RBFOX2: variants seen among roughly 807,000 people sequenced by gnomAD.
RBFOX2 encodes the protein RNA binding protein fox-1 homolog 2.
In RBFOX2, 10 loss-of-function variants were observed where a neutral mutation model predicts 49.1. That is an observed-to-expected ratio of 0.20 (90% CI 0.13 to 0.35). The LOEUF is 0.35. Among genes scored for constraint, RBFOX2 ranks in the 10% least tolerant of loss-of-function variants. The pLI is 1.00. For synonymous variants in RBFOX2, 183 were observed against 187.4 expected (o/e 0.98, Z 0.19); for missense variants, 323 against 486.9 (o/e 0.66, Z 3.17).
At chr22:35,843,346 G>C (rs574616695), upstream of RBFOX2, among the ~76,000 whole-genome samples, 4 of 152,180 alleles carry the variant, frequency 2.6e-5, no homozygotes, top group African/African-American at 9.7e-5. Context: ...CAAATCCCCA[G>C]CTTTCAGGAC....
chr22:35,873,128 C>A (rs1487083346), intron 1 of RBFOX2, among the ~76,000 whole-genome samples: 3 of 152,076 alleles, frequency 2.0e-5, no homozygotes, highest in Non-Finnish European at 4.4e-5. Flanking sequence ...AAATTTGTTA[C>A]TGAATTGGTT....
chr22:35,888,649 T>C (rs571950161), intron 1 of RBFOX2, among the ~76,000 whole-genome samples: 10 of 152,210 alleles, frequency 6.6e-5, no homozygotes, highest in African/African-American at 1.7e-4. Flanking sequence ...GGAAGAGGGG[T>C]TGAAGTCAGC....
intron 1 of RBFOX2, among the ~76,000 whole-genome samples, chr22:36,020,583 G>A (rs187124885): frequency 6.6e-6 from 1 of 152,284 alleles, no homozygotes; most frequent in East Asian, 1.9e-4. Flanking sequence ...CAAAAAGTGG[G>A]CAAAGGATAT....
intron 1 of RBFOX2, among the ~76,000 whole-genome samples, chr22:35,909,515 C>T (rs377485417): frequency 4.2e-4 from 64 of 152,224 alleles, no homozygotes; most frequent in African/African-American, 1.3e-3. Flanking sequence ...TTAAAAGTAA[C>T]GCTAGCAATA....
In RBFOX2 at chr22:35,807,792, A is replaced by G. The variant is rs146564232; in HGVS notation, c.252+1988T>C. 7.8e-4 allele frequency among the ~76,000 whole-genome samples: 118 copies of G among 152,166 alleles called. 6 individuals are homozygous for G. The East Asian group carries it at 0.017, about 21-fold the overall frequency. The stretch of plus-strand genomic sequence containing the variant: ...AAACAACAAAAATCAATGAAAAAAA[A>G]AGTTGGTTTCCTGGAAAAATCTGCA... On this transcript the variant is annotated intron_variant, in intron 2 of 11. Transcript: ENST00000405409.
At chr22:35,843,765 C>T (rs550037026), upstream of RBFOX2, among the ~76,000 whole-genome samples, 10 of 152,204 alleles carry the variant, frequency 6.6e-5, no homozygotes, top group Non-Finnish European at 1.2e-4. Flanking sequence ...TCTCTTTTTA[C>T]TGCACACCAG....
chr22:35,989,445 T>C (rs2057868966), intron 1 of RBFOX2, among the ~76,000 whole-genome samples: 1 of 151,912 alleles, frequency 6.6e-6, no homozygotes, highest in South Asian at 2.1e-4. Flanking sequence ...TTGGATGTAG[T>C]CGCAAGGGGG....
At chr22:35,966,983 T>TA (rs199664388) in intron 1 of RBFOX2, among the ~76,000 whole-genome samples, 12,364 of 143,590 alleles carry the variant, frequency 0.086, 517 homozygotes, top group African/African-American at 0.1. Flanking sequence ...CAGTCAACTT[T>TA]AAAAAAAAAA....
chr22:35,924,241 T>C (rs1174004341), intron 1 of RBFOX2, among the ~76,000 whole-genome samples: 2 of 152,184 alleles, frequency 1.3e-5, no homozygotes, highest in East Asian at 3.8e-4. Flanking sequence ...AATGTATGGG[T>C]TCCCTGTACC....
intron 1 of RBFOX2, among the ~76,000 whole-genome samples, chr22:35,879,179 A>G (rs1393820680): frequency 6.6e-6 from 1 of 152,242 alleles, no homozygotes; most frequent in South Asian, 2.1e-4. Context: ...GAGAAGCATT[A>G]CAGGCAGAAG....
At chr22:35,820,165 T>A (rs1954145461) in intron 1 of RBFOX2, among the ~76,000 whole-genome samples, 2 of 152,090 alleles carry the variant, frequency 1.3e-5, no homozygotes, top group Non-Finnish European at 2.9e-5. Context: ...GCAGGGAGGT[T>A]AGCTTTTACA....
At chr22:35,766,869 T>C (rs528387474) in intron 5 of RBFOX2, among the ~76,000 whole-genome samples, 61 of 151,724 alleles carry the variant, frequency 4.0e-4, no homozygotes, top group African/African-American at 1.4e-3. Context: ...AACAGCTGCG[T>C]GTAACTGAAG....
chr22:35,953,340 C>T (rs1163304123), intron 1 of RBFOX2, among the ~76,000 whole-genome samples: 1 of 150,494 alleles, frequency 6.6e-6, no homozygotes, highest in Non-Finnish European at 1.5e-5. Flanking sequence ...GAAAGAAGTA[C>T]TGATATATGC....
In RBFOX2 at chr22:35,759,781, A is replaced by C; in HGVS notation, c.887+107T>G. 7.0e-7 allele frequency: 1 copy of C among 1,428,294 alleles called. No individual in the cohort carries two copies. Among genetic ancestry groups the C allele is most frequent in the Non-Finnish European group, 9.6e-7 (1 of 1,036,326 alleles). 88.5% of individuals were successfully genotyped at this position (1,428,294 alleles called of 1,614,324 possible). A position where few individuals can be genotyped will look rare whatever the true frequency, so the allele number is the denominator to read the frequency against. On this transcript the variant is annotated intron_variant, in intron 9 of 11. Transcript: ENST00000405409. The surrounding 1 kb of genome is among the most constrained non-coding windows in gnomAD (Gnocchi z 4.6). ...ATTTGCAAATATTCACTGAATGCCT[A>C]CTCTGTGACACGGCAACATCCCAGA...
At chr22:35,875,607 G>GGC in intron 1 of RBFOX2, among the ~76,000 whole-genome samples, 2 of 117,726 alleles carry the variant, frequency 1.7e-5, no homozygotes, top group South Asian at 3.2e-4. Context: ...TGCTCACAAG[G>GGC]GTGTGTGTGT....
At chr22:36,020,568 C>T (rs1243893874) in intron 1 of RBFOX2, among the ~76,000 whole-genome samples, 3 of 152,136 alleles carry the variant, frequency 2.0e-5, no homozygotes, top group African/African-American at 7.2e-5. Context: ...ATCAAACAAT[C>T]CCACCAAAAA....
rs144618941 is a variant in RBFOX2, at chr22:35,987,318, G to T, written c.186+40922C>A. 2.1e-3 allele frequency among the ~76,000 whole-genome samples: 325 copies of T among 152,250 alleles called. 2 individuals carry two copies. The East Asian group carries it at 0.033, about 15-fold the overall frequency. ...TCCTTCAGAATTCCTTCTAAAAACA[G>T]TGACCAAGTTCTAAATATTATACTA... On this transcript the variant is annotated intron_variant, in intron 1 of 13. Transcript: ENST00000438146.
chr22:35,782,528 A>G (rs1168460884), intron 2 of RBFOX2, among the ~76,000 whole-genome samples: 1 of 152,146 alleles, frequency 6.6e-6, no homozygotes, highest in Non-Finnish European at 1.5e-5. Flanking sequence ...TCACCCTGTT[A>G]GCTAGGATGG....
chr22:35,999,996 TA>T (rs1167193194), intron 1 of RBFOX2: 13 of 110,220 alleles, frequency 1.2e-4, no homozygotes, highest in Admixed American at 7.5e-4. Flanking sequence ...TATATATATA[TA>T]TATATATATT....
Sources: gnomAD v4.1 joint callset for allele counts (sites outside exome capture counted in the v4.1 genomes callset) on GRCh38, gnomAD v4.1.1 for gene constraint, Gnocchi (gnomAD v3.1) non-coding constraint, MANE v1.5 for transcripts, NCBI Gene and HGNC (gene_info 2026-07-23, HGNC 2026-07-21) for gene names.